The following COL25A1 variants were observed in gnomAD, a reference collection of about 807,000 sequenced individuals.
COL25A1 encodes the protein collagen type XXV alpha 1 chain.
In COL25A1, 103 loss-of-function variants were observed where a neutral mutation model predicts 128.4. The observed-to-expected ratio is 0.80, with a 90% CI of 0.68 to 0.94. The LOEUF (loss-of-function observed/expected upper bound fraction) is 0.94, where lower values mean the gene tolerates loss of function less well. COL25A1 is among the 40% of genes least tolerant of loss of function. COL25A1 has a pLI of 0.00. For synonymous variants in COL25A1, 279 were observed against 277.2 expected (o/e 1.01, Z -0.06); for missense variants, 745 against 840.0 (o/e 0.89, Z 1.40).
intron 3 of COL25A1, among the ~76,000 whole-genome samples, chr4:109,091,414 A>G (rs887888304): frequency 6.6e-6 from 1 of 152,172 alleles, no homozygotes. Flanking sequence ...CAAAACCACG[A>G]CAACAATTGT....
At chr4:109,240,660 A>T (rs546154228) in intron 3 of COL25A1, among the ~76,000 whole-genome samples, 24 of 152,176 alleles carry the variant, frequency 1.6e-4, no homozygotes, top group Non-Finnish European at 2.9e-4. Flanking sequence ...TATAATCAGC[A>T]ACACAGTAAT....
intron 5 of COL25A1, among the ~76,000 whole-genome samples, chr4:109,026,039 T>C (rs923827231): frequency 1.3e-5 from 2 of 151,246 alleles, no homozygotes; most frequent in African/African-American, 4.9e-5. Flanking sequence ...CTTAGCCCTC[T>C]TAGGAACTGG....
intron 6 of COL25A1, among the ~76,000 whole-genome samples, chr4:109,006,874 C>T (rs530801643): frequency 9.2e-5 from 14 of 152,200 alleles, no homozygotes; most frequent in Non-Finnish European, 1.8e-4. Context: ...CACATGGACT[C>T]ATTGTGGGGA....
At chr4:109,201,993 A>C (rs986779251) in intron 3 of COL25A1, among the ~76,000 whole-genome samples, 1 of 152,192 alleles carries the variant, frequency 6.6e-6, no homozygotes, top group Non-Finnish European at 1.5e-5. Context: ...AAATGGAGAG[A>C]TATTTCATGC....
At chr4:108,818,625 G>T (rs754455109) in intron 36 of COL25A1, among the ~76,000 whole-genome samples, 17 of 152,126 alleles carry the variant, frequency 1.1e-4, no homozygotes, top group Non-Finnish European at 2.2e-4. Context: ...TCTACTTTAG[G>T]AAAGTGAGTT....
chr4:109,218,229 T>C (rs553033807), intron 3 of COL25A1, among the ~76,000 whole-genome samples: 2 of 152,282 alleles, frequency 1.3e-5, no homozygotes, highest in South Asian at 4.1e-4. Context: ...TTTGTTATGT[T>C]TGACAAGATA....
intron 3 of COL25A1, among the ~76,000 whole-genome samples, chr4:109,069,071 C>G (rs876367): frequency 6.6e-6 from 1 of 150,986 alleles, no homozygotes; most frequent in African/African-American, 2.4e-5. Flanking sequence ...ATAATTTAAC[C>G]ACTCTATAAA....
In COL25A1 at chr4:109,192,224, A is replaced by T. The variant is rs151097322; in HGVS notation, c.367+108359T>A. Among the ~76,000 whole-genome samples the T allele has an allele frequency of 1.4e-4, 21 of 152,368 alleles. No individual in the cohort carries two copies. In the East Asian group the frequency reaches 3.9e-3, roughly 28 times the overall value. The stretch of plus-strand genomic sequence containing the variant: ...ATGGATGACCATATATGTTAAGCTA[A>T]GAGTGATTAAGGTGTCACTAAGGAA... On this transcript the variant is annotated intron_variant, in intron 3 of 37. Transcript: ENST00000399132.
chr4:109,109,655 C>A (rs560685608), intron 3 of COL25A1, among the ~76,000 whole-genome samples: 1 of 152,318 alleles, frequency 6.6e-6, no homozygotes, highest in South Asian at 2.1e-4. Context: ...TCACCAGGTG[C>A]TCTGTGCCTG....
In COL25A1 at chr4:109,006,378, AT is replaced by A. The variant is rs56845799; in HGVS notation, c.438+3979del. ...AGGTGTGCACTGCCACACCCAGCTA[AT>A]TTTTTTTTTTTTTTTTTTTTTTTTT... On this transcript the variant is annotated intron_variant, in intron 6 of 37. Coordinates refer to ENST00000399132, the MANE Select transcript of COL25A1 (RefSeq NM_198721.4). 8.0e-3 allele frequency among the ~76,000 whole-genome samples: 416 copies of A among 51,814 alleles called. 6 individuals carry two copies. Among genetic ancestry groups the A allele is most frequent in the African/African-American group, 0.028 (358 of 12,710 alleles). 34.0% of individuals were successfully genotyped at this position (51,814 alleles called of 152,430 possible).
At chr4:109,055,873 C>T (rs1028728454) in intron 3 of COL25A1, among the ~76,000 whole-genome samples, 1 of 152,108 alleles carries the variant, frequency 6.6e-6, no homozygotes, top group East Asian at 1.9e-4. Context: ...GAAGAAATGA[C>T]TTTTTTTATT....
intron 3 of COL25A1, among the ~76,000 whole-genome samples, chr4:109,231,939 T>C (rs1054421676): frequency 6.6e-6 from 1 of 152,154 alleles, no homozygotes; most frequent in Non-Finnish European, 1.5e-5. Flanking sequence ...ATATCTAACA[T>C]AGAACTTAGT....
At chr4:108,961,653 T>C (rs965812897) in intron 8 of COL25A1, among the ~76,000 whole-genome samples, 4 of 152,146 alleles carry the variant, frequency 2.6e-5, no homozygotes, top group Non-Finnish European at 4.4e-5. Flanking sequence ...TGTTGTGTTG[T>C]GTTTGGGCAT....
intron 32 of COL25A1, among the ~76,000 whole-genome samples, chr4:108,828,851 G>T (rs928413362): frequency 3.3e-5 from 5 of 152,122 alleles, no homozygotes; most frequent in African/African-American, 1.2e-4. Context: ...AACAGTGCCT[G>T]CAGAGCCACC....
In COL25A1 at chr4:108,890,022, G is replaced by A. The variant is rs114442077; in HGVS notation, c.907-289C>T. The stretch of plus-strand genomic sequence containing the variant: ...TGCAGATACATAAGGACTACATTCC[G>A]TGAAATAAACATGAATTTCTTCCCT... On this transcript the variant is annotated intron_variant, in intron 16 of 37. Coordinates refer to ENST00000399132, the MANE Select transcript of COL25A1 (RefSeq NM_198721.4). 2.6e-3 allele frequency among the ~76,000 whole-genome samples: 391 copies of A among 152,248 alleles called. 4 individuals carry two copies. Among genetic ancestry groups the A allele is most frequent in the African/African-American group, 9.0e-3 (376 of 41,548 alleles).
chr4:109,002,554 G>A (rs369219304), intron 6 of COL25A1, among the ~76,000 whole-genome samples: 19 of 152,156 alleles, frequency 1.2e-4, no homozygotes, highest in African/African-American at 4.6e-4. Flanking sequence ...TGGCAGAAAT[G>A]GGGAGATGTT....
At chr4:109,124,016 T>C (rs1373702392) in intron 3 of COL25A1, among the ~76,000 whole-genome samples, 1 of 152,120 alleles carries the variant, frequency 6.6e-6, no homozygotes, top group African/African-American at 2.4e-5. Context: ...ACATTAAAAG[T>C]TCAGAGTATG....
chr4:109,224,606 C>G (rs879266448), intron 3 of COL25A1, among the ~76,000 whole-genome samples: 2 of 152,126 alleles, frequency 1.3e-5, no homozygotes, highest in African/African-American at 2.4e-5. Context: ...TCTACCAACT[C>G]AGTAGAAGAG....
chr4:108,931,376 G>T (rs529167413), intron 11 of COL25A1, among the ~76,000 whole-genome samples: 3 of 152,082 alleles, frequency 2.0e-5, no homozygotes, highest in Non-Finnish European at 4.4e-5. Flanking sequence ...CCTTGAGCTG[G>T]AGCCACTGTA....
Sources: gnomAD v4.1 joint callset for allele counts (sites outside exome capture counted in the v4.1 genomes callset) on GRCh38, gnomAD v4.1.1 for gene constraint, MANE v1.5 for transcripts, NCBI Gene and HGNC (gene_info 2026-07-23, HGNC 2026-07-21) for gene names.